The following COL21A1 variants were observed in gnomAD, a reference collection of about 807,000 sequenced individuals.
The protein encoded by COL21A1 is collagen alpha-1(XXI) chain.
COL21A1 carries 149 observed loss-of-function variants against 137.9 expected under a neutral mutation model. That is an observed-to-expected ratio of 1.08 (90% CI 0.95 to 1.24). COL21A1 has a LOEUF of 1.24. COL21A1 is among the 50% of genes most tolerant of loss of function. The pLI, the probability that COL21A1 is intolerant of heterozygous loss-of-function variation, is 0.00. For missense variants in COL21A1, 1,167 were observed against 1,158.4 expected (o/e 1.01, Z -0.11); for synonymous variants, 456 against 391.5 (o/e 1.16, Z -1.95).
intron 10 of COL21A1, among the ~76,000 whole-genome samples, chr6:56,155,323 G>A (rs952191243): frequency 6.6e-6 from 1 of 151,504 alleles, no homozygotes; most frequent in Non-Finnish European, 1.5e-5. Flanking sequence ...TTCAAAATCT[G>A]GCTAGTTGTG....
chr6:56,142,107 CCAAA>C (rs1189266152), intron 10 of COL21A1, 124 bp from the exon 11 acceptor site: 4 of 667,504 alleles, frequency 6.0e-6, no homozygotes, highest in Non-Finnish European at 1.0e-5. Context: ...AGAGACAAAT[CCAAA>C]ATAATAAAGT....
intron 10 of COL21A1, among the ~76,000 whole-genome samples, chr6:56,153,932 G>T (rs1380536254): frequency 6.6e-6 from 1 of 152,064 alleles, no homozygotes; most frequent in African/African-American, 2.4e-5. Flanking sequence ...TCATGGTTTT[G>T]CATACATCTG....
chr6:56,270,139 A>C (rs73459019), intron 1 of COL21A1, among the ~76,000 whole-genome samples: 2,813 of 152,288 alleles, frequency 0.018, 97 homozygotes, highest in African/African-American at 0.065. Flanking sequence ...GCTAAATAAA[A>C]AGACAAGACC....
chr6:56,061,063 G>T, intron 25 of COL21A1, 26 bp from the exon 26 acceptor site: 1 of 1,559,968 alleles, frequency 6.4e-7, no homozygotes, highest in South Asian at 1.2e-5. Flanking sequence ...ATCTTTACAA[G>T]TTCTATTTAA....
At chr6:56,390,279 G>A (rs1321914800) in intron 1 of COL21A1, among the ~76,000 whole-genome samples, 1 of 151,972 alleles carries the variant, frequency 6.6e-6, no homozygotes, top group Non-Finnish European at 1.5e-5. Flanking sequence ...TAAAATATTG[G>A]TTATAAGATG....
chr6:56,099,224 ATTTTT>A (rs765498868), intron 17 of COL21A1, among the ~76,000 whole-genome samples: 7 of 111,998 alleles, frequency 6.3e-5, no homozygotes, highest in Non-Finnish European at 1.2e-4. Flanking sequence ...CACAAACTAA[ATTTTT>A]TTTTTTTTTT....
chr6:56,058,492 T>A lies in COL21A1; in HGVS notation c.2687-648A>T, dbSNP rs371597304. Reference sequence around the variant, plus strand: ...ATTCAGATTTTGGGAAGGAGCACAGTGGTTTGGGCCACTTCTTACTCCTCT... The same window carrying A: ...ATTCAGATTTTGGGAAGGAGCACAGAGGTTTGGGCCACTTCTTACTCCTCT... On this transcript the variant is annotated intron_variant, in intron 29 of 29. Transcript: ENST00000244728. Among the ~76,000 whole-genome samples the A allele has an allele frequency of 5.9e-5, 9 of 152,246 alleles. No homozygotes were observed. The East Asian group carries it at 1.5e-3, about 26-fold the overall frequency.
rs551621803 is a variant in COL21A1 at position 56,274,261 on chromosome 6, T to C, written c.-38-91605A>G. ...TATGACAAACCCACAGGCAACATCA[T>C]ACAGAATGGGCCAAAGCTGGAAGCA... On this transcript the variant is annotated intron_variant, in intron 1 of 28. Transcript: ENST00000370819. Among the ~76,000 whole-genome samples, 10 of 152,204 alleles carry C rather than the reference T, an allele frequency of 6.6e-5. No individual in the cohort carries two copies. The East Asian group carries it at 1.2e-3, about 18-fold the overall frequency.
chr6:56,208,775 T>A (rs562754563), intron 1 of COL21A1, among the ~76,000 whole-genome samples: 3 of 152,246 alleles, frequency 2.0e-5, no homozygotes, highest in Non-Finnish European at 4.4e-5. Flanking sequence ...CTTCAAATTA[T>A]ACTACAAGGC....
chr6:56,209,568 A>G (rs146598741), intron 1 of COL21A1, among the ~76,000 whole-genome samples: 10 of 152,316 alleles, frequency 6.6e-5, no homozygotes, highest in African/African-American at 2.4e-4. Flanking sequence ...GTAAATCAAA[A>G]CCACAATGAG....
chr6:56,179,712 C>A lies in COL21A1; in HGVS notation c.506G>T (p.Gly169Val), dbSNP rs780389287. Residue 169 changes from glycine to valine, a missense_variant, in exon 3 of 30, where the codon GGT becomes GTT. Coordinates refer to ENST00000244728, the MANE Select transcript of COL21A1 (RefSeq NM_030820.4). Reference sequence around the variant, plus strand: ...GGCATCTTCTGTTTCTGAACCAACACCAATAGCAAATAATGTTATCTTACT... The same window carrying A: ...GGCATCTTCTGTTTCTGAACCAACAACAATAGCAAATAATGTTATCTTACT... ...RDSKITLFAI[G>V]VGSETEDAEL... is the part of the protein sequence containing the mutation. 1.2e-6 allele frequency: 2 copies of A among 1,613,990 alleles called. No individual in the cohort carries two copies. Among genetic ancestry groups the A allele is most frequent in the South Asian group, 2.2e-5 (2 of 91,082 alleles).
intron 5 of COL21A1, among the ~76,000 whole-genome samples, chr6:56,169,332 A>G (rs936541509): frequency 2.6e-5 from 4 of 151,970 alleles, no homozygotes; most frequent in African/African-American, 9.7e-5. Context: ...CTGTATCCCC[A>G]GGACCTGGCC....
At chr6:56,218,323 CA>C (rs1780615143) in intron 1 of COL21A1, among the ~76,000 whole-genome samples, 2 of 150,556 alleles carry the variant, frequency 1.3e-5, no homozygotes, top group African/African-American at 4.9e-5. Flanking sequence ...AGAAAAACAA[CA>C]GAATTCATGA....
chr6:56,373,488 G>C (rs2093993852), intron 1 of COL21A1, among the ~76,000 whole-genome samples: 2 of 152,152 alleles, frequency 1.3e-5, no homozygotes, highest in South Asian at 4.2e-4. Flanking sequence ...TGTAGTCCCA[G>C]CTACTCGGGA....
At chr6:56,355,543 T>G (rs990572945) in intron 1 of COL21A1, among the ~76,000 whole-genome samples, 5 of 152,202 alleles carry the variant, frequency 3.3e-5, no homozygotes, top group Admixed American at 2.6e-4. Flanking sequence ...TATAAATGGA[T>G]GAATGGATAA....
intron 1 of COL21A1, among the ~76,000 whole-genome samples, chr6:56,268,024 TAGATC>T (rs1763434529): frequency 6.6e-6 from 1 of 152,166 alleles, no homozygotes; most frequent in Admixed American, 6.5e-5. Context: ...CAACTGGAGC[TAGATC>T]CCAAGGGTCT....
intron 3 of COL21A1, among the ~76,000 whole-genome samples, chr6:56,177,577 A>G (rs1277092438): frequency 6.6e-6 from 1 of 152,006 alleles, no homozygotes; most frequent in East Asian, 1.9e-4. Context: ...GCGGATCATG[A>G]GGTCAGGAGA....
intron 24 of COL21A1, among the ~76,000 whole-genome samples, chr6:56,062,088 T>G (rs942050229): frequency 1.3e-5 from 2 of 152,120 alleles, no homozygotes; most frequent in African/African-American, 4.8e-5. Context: ...CCCAAGTTTA[T>G]GTTCTTAAAA....
intron 1 of COL21A1, among the ~76,000 whole-genome samples, chr6:56,357,416 A>G (rs2152347806): frequency 6.6e-6 from 1 of 152,364 alleles, no homozygotes; most frequent in Middle Eastern, 3.4e-3. Flanking sequence ...TAACACTGGT[A>G]GCATGACTGG....
Sources: gnomAD v4.1 joint callset for allele counts (sites outside exome capture counted in the v4.1 genomes callset) on GRCh38, gnomAD v4.1.1 for gene constraint, MANE v1.5 for transcripts, NCBI Gene and HGNC (gene_info 2026-07-23, HGNC 2026-07-21) for gene names.